The following ZNF813 variants were observed in gnomAD, a reference collection of about 807,000 sequenced individuals.
The protein encoded by ZNF813 is zinc finger protein 813.
In ZNF813, 3 loss-of-function variants were observed where a neutral mutation model predicts 7.2. The observed-to-expected ratio is 0.42, with a 90% CI of 0.19 to 1.08. The LOEUF (loss-of-function observed/expected upper bound fraction) is 1.08, where lower values mean the gene tolerates loss of function less well. Ranked by LOEUF, ZNF813 falls within the 50% of genes least tolerant of loss-of-function variation. The pLI is 0.30. For synonymous variants in ZNF813, 227 were observed against 256.3 expected (o/e 0.89, Z 1.09); for missense variants, 714 against 753.3 (o/e 0.95, Z 0.61).
rs541302062 is a variant in ZNF813, at chr19:53,487,797, C to CGA, written c.142+1039_142+1040insGA. On this transcript the variant is annotated intron_variant, in intron 3 of 3. Coordinates refer to ENST00000396403, the MANE Select transcript of ZNF813 (RefSeq NM_001004301.4). The stretch of plus-strand genomic sequence containing the variant: ...TGGGCAACAGAACAAGACTCTGTCT[C>CGA]AAAAAAAAAAAAAAAAAATTCCATA... Among the ~76,000 whole-genome samples, 8 of 130,080 alleles carry CGA rather than the reference C, an allele frequency of 6.2e-5. 1 individual carries two copies. In the Admixed American group the frequency reaches 6.3e-4, roughly 10 times the overall value. 85.3% of individuals were successfully genotyped at this position (130,080 alleles called of 152,430 possible).
In ZNF813 at chr19:53,492,121, C is replaced by G. The variant is rs1337689244; in HGVS notation, c.*35C>G. The G allele has an allele frequency of 6.3e-7, 1 of 1,586,978 alleles. No homozygotes were observed. The highest frequency in any genetic ancestry group is 1.1e-5 in the South Asian group (1 of 87,880). On this transcript the variant is annotated 3_prime_UTR_variant, in exon 4 of 4. Coordinates refer to ENST00000396403, the MANE Select transcript of ZNF813 (RefSeq NM_001004301.4). ...CTTGCACATCATCATACAATTCATA[C>G]TGGAAAGAAACAAGTGCAATGAGTG...
chr19:53,490,851 G>C lies in ZNF813; in HGVS notation c.619G>C (p.Glu207Gln). The C allele has an allele frequency of 4.3e-6, 7 of 1,614,190 alleles. No homozygotes were observed. Among genetic ancestry groups the C allele is most frequent in the Non-Finnish European group, 5.9e-6 (7 of 1,180,026 alleles). The change falls in exon 4 of 4, where the codon GAG becomes CAG. Residue 207 changes from glutamate (E) to glutamine (Q), a missense_variant. Around this residue, in one of 3 missense-constraint regions of ZNF813, gnomAD observed 563 missense variants for 554.2 expected, o/e 1.02. Coordinates refer to ENST00000396403, the MANE Select transcript of ZNF813 (RefSeq NM_001004301.4). ...TTCTTCGTTACTCACACAAAAACAGGAGGTACACATGAGAGAAAAGTCTTT... is the reference window on the plus strand; with the variant it reads ...TTCTTCGTTACTCACACAAAAACAGCAGGTACACATGAGAGAAAAGTCTTT... Reference protein sequence around the residue: ...RNSSLLTQKQEVHMREKSFQC... With the variant: ...RNSSLLTQKQQVHMREKSFQC...
Position 53,492,630 on chromosome 19 carries a change from T to C in ZNF813, c.*544T>C, listed in dbSNP as rs917795973. On this transcript the variant is annotated 3_prime_UTR_variant, in exon 4 of 4. Transcript: ENST00000396403. ...TCCATGGTGAAGGAAACTTGACTAA[T>C]GTAATGATTGTCACCAAGTCTTCAG... is the stretch of plus-strand genomic sequence containing the variant. 2.7e-6 allele frequency: 2 copies of C among 742,236 alleles called. No individual in the cohort carries two copies. The highest frequency in any genetic ancestry group is 3.6e-5 in the African/African-American group (2 of 56,150). 46.0% of individuals were successfully genotyped at this position (742,236 alleles called of 1,614,324 possible).
chr19:53,471,103 A>G (rs2086356632), intron 1 of ZNF813, among the ~76,000 whole-genome samples: 1 of 152,018 alleles, frequency 6.6e-6, no homozygotes, highest in African/African-American at 2.4e-5. Context: ...TCTTATGTCT[A>G]TATCTCTTTT....
At chr19:53,488,705 C>T (rs1312258226) in intron 3 of ZNF813, among the ~76,000 whole-genome samples, 2 of 151,998 alleles carry the variant, frequency 1.3e-5, no homozygotes, top group Non-Finnish European at 2.9e-5. Context: ...AGGCGTGAGC[C>T]ACCGCGCCCA....
chr19:53,472,372 G>A (rs2086363597), intron 1 of ZNF813, among the ~76,000 whole-genome samples: 1 of 152,136 alleles, frequency 6.6e-6, no homozygotes, highest in Non-Finnish European at 1.5e-5. Flanking sequence ...CTTTATACAG[G>A]TAGGTTACCA....
chr19:53,468,374 G>C (rs2086338879), intron 1 of ZNF813, among the ~76,000 whole-genome samples: 1 of 152,290 alleles, frequency 6.6e-6, no homozygotes, highest in African/African-American at 2.4e-5. Context: ...GGTATTTCTC[G>C]TCAGGTGGGA....
At chr19:53,487,232 G>A (rs1027058598) in intron 3 of ZNF813, among the ~76,000 whole-genome samples, 12 of 152,244 alleles carry the variant, frequency 7.9e-5, no homozygotes, top group Admixed American at 5.9e-4. Context: ...CCTTCTGAGT[G>A]CAGAGTTAAA....
At chr19:53,487,713 G>A (rs554620379) in intron 3 of ZNF813, among the ~76,000 whole-genome samples, 43 of 150,184 alleles carry the variant, frequency 2.9e-4, no homozygotes, top group African/African-American at 1.0e-3. Context: ...CAGGAGAGTC[G>A]CTTGAACCTG....
Position 53,495,998 on chromosome 19 carries a change from CA to C in ZNF813, c.*3916del. Reference sequence around the variant, plus strand: ...CTGGTAATAAAATCAGGTACGACTCCAAAAGGAGACATTGGAGAAGAACGAA... The same window carrying C: ...CTGGTAATAAAATCAGGTACGACTCCAAAGGAGACATTGGAGAAGAACGAA... On this transcript the variant is annotated 3_prime_UTR_variant, in exon 4 of 4. Coordinates refer to ENST00000396403, the MANE Select transcript of ZNF813 (RefSeq NM_001004301.4). 2 of 376,098 alleles carry C rather than the reference CA, an allele frequency of 5.3e-6. No individual in the cohort carries two copies. Among genetic ancestry groups the C allele is most frequent in the Non-Finnish European group, 1.0e-5 (2 of 192,850 alleles). 23.3% of individuals were successfully genotyped at this position (376,098 alleles called of 1,614,324 possible).
At chr19:53,479,084 G>A (rs182691205) in intron 1 of ZNF813, among the ~76,000 whole-genome samples, 28 of 151,968 alleles carry the variant, frequency 1.8e-4, no homozygotes, top group Admixed American at 1.6e-3. Flanking sequence ...ACAGGCCCAC[G>A]CCACCACACC....
intron 1 of ZNF813, chr19:53,479,815 G>A: frequency 7.8e-6 from 9 of 1,149,062 alleles, no homozygotes; most frequent in African/African-American, 1.5e-5. Flanking sequence ...GCTGAGAGAT[G>A]GATGAGCAGA....
chr19:53,492,454 C>T lies in ZNF813; in HGVS notation c.*368C>T. ...TAAAATAAATCATACTGCAGAGAAA[C>T]CATAAAATTGTAAGAGTTCGTGACA... On this transcript the variant is annotated 3_prime_UTR_variant, in exon 4 of 4. Transcript: ENST00000396403. The T allele has an allele frequency of 2.4e-6, 1 of 420,760 alleles. No individual in the cohort carries two copies. The highest frequency in any genetic ancestry group is 4.6e-6 in the Non-Finnish European group (1 of 216,814). The allele number at this position is 420,760 out of a possible 1,614,324, so 26.1% of individuals were successfully genotyped here.
At chr19:53,478,786 A>G (rs1472816511) in intron 1 of ZNF813, among the ~76,000 whole-genome samples, 2 of 152,172 alleles carry the variant, frequency 1.3e-5, no homozygotes, top group African/African-American at 4.8e-5. Context: ...TCACAAAAAC[A>G]AGCAAGCAAA....
chr19:53,480,528 C>CT (rs1320636730), intron 1 of ZNF813, among the ~76,000 whole-genome samples: 6 of 152,048 alleles, frequency 3.9e-5, no homozygotes, highest in African/African-American at 1.4e-4. Context: ...CTGTTTGAAA[C>CT]TAGTTGCATC....
rs1009054101 is a variant in ZNF813 at position 53,485,612 on chromosome 19, A to T, written c.16-1020A>T. ...TATGTATGTCATGATATATATCGTG[A>T]TATATACATGCATGTCGTGATATAT... On this transcript the variant is annotated intron_variant, in intron 2 of 3. Transcript: ENST00000396403. Among the ~76,000 whole-genome samples the T allele has an allele frequency of 2.0e-5, 3 of 150,994 alleles. No homozygotes were observed. The East Asian group carries it at 5.8e-4, about 29-fold the overall frequency.
At chr19:53,485,477 A>T (rs2086427684) in intron 2 of ZNF813, among the ~76,000 whole-genome samples, 1 of 152,124 alleles carries the variant, frequency 6.6e-6, no homozygotes, top group East Asian at 1.9e-4. Flanking sequence ...AAATCTGGGG[A>T]AAATGACAAC....
rs1353110593 is a variant in ZNF813, at chr19:53,489,925, A to G, written c.143-450A>G. 3.3e-5 allele frequency among the ~76,000 whole-genome samples: 5 copies of G among 152,112 alleles called. No homozygotes were observed. The South Asian group carries it at 6.2e-4, about 19-fold the overall frequency. On this transcript the variant is annotated intron_variant, in intron 3 of 3. Transcript: ENST00000396403. ...GATTGTTTGACAATACAGAATTTCCATTGATTTTGGTTATCCTTACATGAG... is the reference window on the plus strand; with the variant it reads ...GATTGTTTGACAATACAGAATTTCCGTTGATTTTGGTTATCCTTACATGAG...
chr19:53,479,437 C>G (rs1360856776), intron 1 of ZNF813: 22 of 1,550,668 alleles, frequency 1.4e-5, no homozygotes, highest in Non-Finnish European at 1.9e-5. Context: ...AGCTGAGCAC[C>G]TCCAGTGAGA....
Sources: gnomAD v4.1 joint callset for allele counts (sites outside exome capture counted in the v4.1 genomes callset) on GRCh38, gnomAD v4.1.1 for gene constraint, gnomAD v4.1.1 regional missense constraint, MANE v1.5 for transcripts, NCBI Gene and HGNC (gene_info 2026-07-23, HGNC 2026-07-21) for gene names.